Variants in CFAP20DC observed in about 807,000 individuals in gnomAD.
CFAP20DC encodes CFAP20 domain containing.
In CFAP20DC, 84 loss-of-function variants were observed where a neutral mutation model predicts 101.7. The ratio of observed to expected loss-of-function variants is 0.83; its 90% CI spans 0.69 to 0.99. CFAP20DC has a LOEUF of 0.99. Ranked by LOEUF, CFAP20DC falls within the 50% of genes least tolerant of loss-of-function variation. The pLI is 0.00. For missense variants in CFAP20DC, 1,007 were observed against 970.3 expected, an observed-to-expected ratio of 1.04 and a Z score of -0.50; for synonymous variants, 359 against 351.2, an observed-to-expected ratio of 1.02 and a Z score of -0.25.
chr3:59,005,215 T>C (rs371193518), intron 4 of CFAP20DC, among the ~76,000 whole-genome samples: 3 of 152,288 alleles, frequency 2.0e-5, no homozygotes, highest in African/African-American at 7.2e-5. Context: ...TGGTGGCTTC[T>C]GTTTTCCTTG....
chr3:58,719,116 C>G (rs752707768), intron 3 of CFAP20DC, among the ~76,000 whole-genome samples: 6 of 152,040 alleles, frequency 3.9e-5, no homozygotes, highest in Admixed American at 2.6e-4. Context: ...TGGTGGCACA[C>G]GCCTGTAGTC....
intron 5 of CFAP20DC, among the ~76,000 whole-genome samples, chr3:58,916,262 A>ATGC (rs2084698878): frequency 6.6e-6 from 1 of 152,066 alleles, no homozygotes; most frequent in Admixed American, 6.6e-5. Context: ...CATGGACATG[A>ATGC]CATGCTGGGG....
intron 5 of CFAP20DC, among the ~76,000 whole-genome samples, chr3:58,929,979 C>A (rs912856110): frequency 6.6e-6 from 1 of 152,246 alleles, no homozygotes; most frequent in Middle Eastern, 3.4e-3. Flanking sequence ...ACCCTTAATG[C>A]TGCTTGTTCT....
chr3:58,796,371 GA>G (rs961580092), intron 15 of CFAP20DC, among the ~76,000 whole-genome samples: 2 of 152,168 alleles, frequency 1.3e-5, no homozygotes, highest in Non-Finnish European at 2.9e-5. Flanking sequence ...GATGATTCTC[GA>G]GGGATTCAGT....
chr3:58,986,124 G>A (rs1299012841), intron 4 of CFAP20DC, among the ~76,000 whole-genome samples: 1 of 152,138 alleles, frequency 6.6e-6, no homozygotes, highest in East Asian at 1.9e-4. Flanking sequence ...CAAATACATA[G>A]TCTGCGAAAA....
chr3:58,929,349 A>T (rs1194880475), intron 5 of CFAP20DC, among the ~76,000 whole-genome samples: 2 of 152,224 alleles, frequency 1.3e-5, no homozygotes, highest in African/African-American at 4.8e-5. Flanking sequence ...AAAGCAAGGT[A>T]GTGACAAATT....
In CFAP20DC at chr3:58,964,254, G is replaced by A. The variant is rs2091372566; in HGVS notation, c.279-26492C>T. Among the ~76,000 whole-genome samples the A allele has an allele frequency of 6.6e-6, 1 of 152,152 alleles. No homozygotes were observed. The highest frequency in any genetic ancestry group is 2.4e-5 in the African/African-American group (1 of 41,430). On this transcript the variant is annotated intron_variant, in intron 4 of 16. Coordinates refer to ENST00000482387, the MANE Select transcript of CFAP20DC (RefSeq NM_001394063.1). The surrounding 1 kb of genome is among the most constrained non-coding windows in gnomAD (Gnocchi z 4.1). ...TAAGAAGACTACCCACTATGGACTG[G>A]TTCTGGCCAGTTTAGGGAGGCTGGT... is the stretch of plus-strand genomic sequence containing the variant.
chr3:59,012,043 A>G (rs2093594924), intron 4 of CFAP20DC, among the ~76,000 whole-genome samples: 4 of 152,224 alleles, frequency 2.6e-5, no homozygotes, highest in Admixed American at 1.3e-4. Flanking sequence ...TTCGAAATAA[A>G]GCATAGCTTA....
At chr3:58,915,727 T>C (rs1446808404) in intron 5 of CFAP20DC, among the ~76,000 whole-genome samples, 10 of 152,186 alleles carry the variant, frequency 6.6e-5, no homozygotes, top group Non-Finnish European at 5.9e-5. Context: ...AATTGTATTA[T>C]GGTATTATAT....
intron 13 of CFAP20DC, among the ~76,000 whole-genome samples, chr3:58,846,704 C>T (rs1575891364): frequency 6.6e-6 from 1 of 151,168 alleles, no homozygotes; most frequent in South Asian, 2.1e-4. Context: ...CCCGCATCGC[C>T]AAGTCAATCC....
chr3:58,980,187 CTCTG>C (rs2092467689), intron 4 of CFAP20DC, among the ~76,000 whole-genome samples: 1 of 152,112 alleles, frequency 6.6e-6, no homozygotes, highest in Non-Finnish European at 1.5e-5. Flanking sequence ...CTCTTAATGC[CTCTG>C]TCTGAGTTGT....
chr3:58,944,601 T>G (rs958389978), intron 4 of CFAP20DC, among the ~76,000 whole-genome samples: 2 of 151,940 alleles, frequency 1.3e-5, no homozygotes, highest in African/African-American at 4.9e-5. Context: ...AATACAGCAG[T>G]ACCAAGGATT....
At chr3:58,842,225 G>A (rs1261956530) in intron 13 of CFAP20DC, among the ~76,000 whole-genome samples, 2 of 152,162 alleles carry the variant, frequency 1.3e-5, no homozygotes, top group Admixed American at 6.5e-5. Flanking sequence ...GCAGAAGACG[G>A]GTGATTTCTG....
intron 15 of CFAP20DC, among the ~76,000 whole-genome samples, chr3:58,756,449 C>G (rs1180868914): frequency 6.6e-6 from 1 of 152,032 alleles, no homozygotes; most frequent in Non-Finnish European, 1.5e-5. Flanking sequence ...TCCCCATTTT[C>G]AATGTGAGTA....
chr3:58,975,574 T>C (rs2092231459), intron 4 of CFAP20DC, among the ~76,000 whole-genome samples: 1 of 152,222 alleles, frequency 6.6e-6, no homozygotes, highest in South Asian at 2.1e-4. Context: ...GAAAAGTCTT[T>C]ATGTAAAGTA....
At chr3:58,842,921 A>G (rs1159834556) in intron 13 of CFAP20DC, among the ~76,000 whole-genome samples, 2 of 152,220 alleles carry the variant, frequency 1.3e-5, no homozygotes, top group African/African-American at 2.4e-5. Context: ...CTCACACGGC[A>G]GCGTATTCCA....
At chr3:58,927,070 G>T (rs1371696376) in intron 5 of CFAP20DC, among the ~76,000 whole-genome samples, 1 of 152,132 alleles carries the variant, frequency 6.6e-6, no homozygotes, top group African/African-American at 2.4e-5. Flanking sequence ...TAATCGGATA[G>T]TTTTTAATTT....
In CFAP20DC at chr3:58,913,929, T is replaced by A; in HGVS notation, c.394-65A>T. 2 of 1,536,142 alleles carry A rather than the reference T, an allele frequency of 1.3e-6. No individual in the cohort carries two copies. Among genetic ancestry groups the A allele is most frequent in the Admixed American group, 1.7e-5 (1 of 58,968 alleles). On this transcript the variant is annotated intron_variant, in intron 5 of 16. Transcript: ENST00000482387. This position sits in a 1 kb window ranked among gnomAD's most constrained non-coding sequence, Gnocchi z 4.4. The stretch of plus-strand genomic sequence containing the variant: ...TCAACACATAAATGAACAAACCATC[T>A]ATATGTAGACATTCAAAGAGTTGAG...
intron 15 of CFAP20DC, among the ~76,000 whole-genome samples, chr3:58,803,925 G>A (rs2073879369): frequency 6.6e-6 from 1 of 152,114 alleles, no homozygotes; most frequent in Non-Finnish European, 1.5e-5. Flanking sequence ...TATCTTGACA[G>A]TATATCTTTG....
Sources: allele counts gnomAD v4.1 joint callset (sites outside exome capture counted in the v4.1 genomes callset), GRCh38; gene constraint gnomAD v4.1.1; non-coding constraint Gnocchi (gnomAD v3.1); transcripts MANE v1.5; gene names NCBI Gene and HGNC (gene_info 2026-07-23, HGNC 2026-07-21).